Variants in PDS5B observed in about 807,000 individuals in gnomAD.
The protein encoded by PDS5B is PDS5 cohesin associated factor B, also known as sister chromatid cohesion protein PDS5 homolog B.
PDS5B carries 51 observed loss-of-function variants against 184.1 expected under a neutral mutation model. The ratio of observed to expected loss-of-function variants is 0.28; its 90% confidence interval spans 0.22 to 0.35. PDS5B has a LOEUF of 0.35. PDS5B is among the 10% of genes least tolerant of loss of function. The probability of loss-of-function intolerance (pLI) is 1.00; values close to 1 mark genes in which losing one functional copy is unlikely to be tolerated. For missense variants in PDS5B, 1,180 were observed against 1,723.3 expected, an observed-to-expected ratio of 0.68 and a Z score of 5.58; for synonymous variants, 566 against 569.2, an observed-to-expected ratio of 0.99 and a Z score of 0.08.
chr13:32,661,152 G>A (rs949873580), intron 6 of PDS5B, among the ~76,000 whole-genome samples: 1 of 152,046 alleles, frequency 6.6e-6, no homozygotes, highest in African/African-American at 2.4e-5. Flanking sequence ...GGGAAACCAA[G>A]GTGGGTGGAT....
At chr13:32,765,279 T>A (rs1954548348) in intron 31 of PDS5B, among the ~76,000 whole-genome samples, 1 of 152,228 alleles carries the variant, frequency 6.6e-6, no homozygotes, top group Non-Finnish European at 1.5e-5. Flanking sequence ...AATTTTCTTA[T>A]CTGTATGTAA....
chr13:32,655,478 A>C (rs1323563238), intron 3 of PDS5B, among the ~76,000 whole-genome samples: 1 of 146,666 alleles, frequency 6.8e-6, no homozygotes, highest in African/African-American at 2.5e-5. Context: ...TCTCAGGTTC[A>C]TGTGATTCTC....
intron 19 of PDS5B, among the ~76,000 whole-genome samples, chr13:32,730,080 T>G (rs982002566): frequency 2.6e-5 from 4 of 152,204 alleles, no homozygotes; most frequent in African/African-American, 9.6e-5. Context: ...TGGTTTTAGG[T>G]TTTCCATTTA....
intron 1 of PDS5B, among the ~76,000 whole-genome samples, chr13:32,597,936 CTTG>C (rs2140475017): frequency 6.6e-6 from 1 of 151,066 alleles, no homozygotes; most frequent in South Asian, 2.1e-4. Context: ...ACATCCTGGT[CTTG>C]TTGTGATCTT....
chr13:32,743,552 C>T (rs1319530634), intron 23 of PDS5B, among the ~76,000 whole-genome samples: 1 of 152,068 alleles, frequency 6.6e-6, no homozygotes, highest in African/African-American at 2.4e-5. Flanking sequence ...AGGAGAATAG[C>T]TCTGTGCTCC....
chr13:32,627,362 A>G (rs1260209745), intron 1 of PDS5B, among the ~76,000 whole-genome samples: 3 of 152,246 alleles, frequency 2.0e-5, no homozygotes, highest in African/African-American at 4.8e-5. Flanking sequence ...TTAGCTATAG[A>G]TATTTGTACA....
At chr13:32,709,863 A>G (rs1952148952) in intron 18 of PDS5B, 83 bp from the exon 19 acceptor site, 1 of 772,638 alleles carries the variant, frequency 1.3e-6, no homozygotes, top group Non-Finnish European at 1.8e-6. Flanking sequence ...TTTGATTTAT[A>G]GTATTTCTAA....
chr13:32,591,055 A>G (rs1232889384), intron 1 of PDS5B, among the ~76,000 whole-genome samples: 1 of 151,874 alleles, frequency 6.6e-6, no homozygotes. Context: ...TTAAAAGTTT[A>G]CTTTAAAAAA....
rs116414269 is a variant in PDS5B, at chr13:32,629,520, G to A, written c.-19-19234G>A. Among the ~76,000 whole-genome samples the A allele has an allele frequency of 5.8e-3, 880 of 152,234 alleles. 13 individuals are homozygous for A. The highest frequency in any genetic ancestry group is 0.02 in the African/African-American group (830 of 41,544). ...CTCACTTCTGTGTTTATCCTTGTTG[G>A]AGTTATCCATTACATTACTCACTGA... On this transcript the variant is annotated intron_variant, in intron 1 of 34. Coordinates refer to ENST00000315596, the MANE Select transcript of PDS5B (RefSeq NM_015032.4).
intron 19 of PDS5B, among the ~76,000 whole-genome samples, chr13:32,717,162 G>A (rs1429021266): frequency 2.2e-4 from 34 of 152,348 alleles, no homozygotes; most frequent in African/African-American, 8.2e-4. Flanking sequence ...GAGCCCCTCT[G>A]CCAGGCCACC....
chr13:32,653,222 A>T (rs1041882812), intron 3 of PDS5B, among the ~76,000 whole-genome samples: 3 of 152,066 alleles, frequency 2.0e-5, no homozygotes, highest in Non-Finnish European at 2.9e-5. Flanking sequence ...TGAACCTGGG[A>T]GGTGGGGGAT....
chr13:32,707,080 G>A, intron 18 of PDS5B, 41 bp downstream of exon 18: 1 of 1,036,594 alleles, frequency 9.6e-7, no homozygotes, highest in Non-Finnish European at 1.5e-6. Context: ...TTAGATATCT[G>A]TTTAACATAT....
At chr13:32,593,913 G>A (rs9595885) in intron 1 of PDS5B, among the ~76,000 whole-genome samples, 41,530 of 151,994 alleles carry the variant, frequency 0.27, 6,869 homozygotes, top group Non-Finnish European at 0.37. Context: ...AAAAATCCAT[G>A]TATAAATGAA....
chr13:32,726,168 C>T (rs539284767), intron 19 of PDS5B, among the ~76,000 whole-genome samples: 1 of 149,882 alleles, frequency 6.7e-6, no homozygotes, highest in Admixed American at 6.6e-5. Context: ...AAAAAAAAGC[C>T]CCCTTCCGTG....
At position 32,602,197 on chromosome 13, in the gene PDS5B, C is replaced by CA. The variant is rs1309164005; in HGVS notation, c.-20+15604_-20+15605insA. The stretch of plus-strand genomic sequence containing the variant: ...CATGTTGGTGTGCTGCACCTGTTAA[C>CA]TCGTCATTTACATTAGGTATATCTC... On this transcript the variant is annotated intron_variant, in intron 1 of 34. Transcript: ENST00000315596. Among the ~76,000 whole-genome samples the CA allele has an allele frequency of 9.4e-4, 143 of 152,052 alleles. 1 individual carries two copies. Among genetic ancestry groups the CA allele is most frequent in the South Asian group, 7.9e-3 (38 of 4,812 alleles).
At chr13:32,685,214 T>C (rs1267624054) in intron 11 of PDS5B, among the ~76,000 whole-genome samples, 1 of 152,228 alleles carries the variant, frequency 6.6e-6, no homozygotes, top group Non-Finnish European at 1.5e-5. Context: ...AAGAAGCACA[T>C]GGTTTTCCCT....
intron 24 of PDS5B, 59 bp downstream of exon 24, chr13:32,746,159 A>T (rs1953734891): frequency 6.9e-7 from 1 of 1,442,582 alleles, no homozygotes; most frequent in South Asian, 1.2e-5. Flanking sequence ...AGGAAGGAAA[A>T]ACATCCACTG....
intron 1 of PDS5B, among the ~76,000 whole-genome samples, chr13:32,618,711 A>G (rs1216856542): frequency 1.3e-5 from 2 of 152,130 alleles, no homozygotes; most frequent in Admixed American, 1.3e-4. Flanking sequence ...GCATTCATGT[A>G]TTTATTTATA....
At chr13:32,598,615 C>T (rs1054054337) in intron 1 of PDS5B, among the ~76,000 whole-genome samples, 2 of 152,040 alleles carry the variant, frequency 1.3e-5, no homozygotes, top group African/African-American at 4.8e-5. Flanking sequence ...GGACTACAGG[C>T]ACATGCCACC....
Sources: allele counts gnomAD v4.1 joint callset (sites outside exome capture counted in the v4.1 genomes callset), GRCh38; gene constraint gnomAD v4.1.1; transcripts MANE v1.5; gene names NCBI Gene and HGNC (gene_info 2026-07-23, HGNC 2026-07-21).